Variants in ATP9B observed in about 807,000 individuals in gnomAD.
The protein encoded by ATP9B is ATPase phospholipid transporting 9B.
In ATP9B, 110 loss-of-function variants were observed where a neutral mutation model predicts 146.1. The ratio of observed to expected loss-of-function variants is 0.75; its 90% CI spans 0.65 to 0.88. The LOEUF is 0.88. Among genes scored for constraint, ATP9B ranks in the 40% least tolerant of loss-of-function variants. The pLI is 0.00. For synonymous variants in ATP9B, 604 were observed against 569.7 expected (o/e 1.06, Z -0.86); for missense variants, 1,499 against 1,496.4 (o/e 1.00, Z -0.03).
intron 15 of ATP9B, among the ~76,000 whole-genome samples, chr18:79,317,174 T>C (rs2096685432): frequency 2.0e-5 from 3 of 152,184 alleles, no homozygotes; most frequent in African/African-American, 7.2e-5. Context: ...AATCATATAC[T>C]GTAAGAACTT....
chr18:79,070,509 G>A (rs1321563242), intron 1 of ATP9B, among the ~76,000 whole-genome samples: 1 of 152,216 alleles, frequency 6.6e-6, no homozygotes, highest in Non-Finnish European at 1.5e-5. Flanking sequence ...TAGAACATGT[G>A]TAAGGTGCCC....
intron 15 of ATP9B, among the ~76,000 whole-genome samples, chr18:79,315,605 G>A (rs2096675108): frequency 1.3e-5 from 2 of 152,186 alleles, no homozygotes; most frequent in African/African-American, 4.8e-5. Context: ...TATGATAAAG[G>A]AAATTTCTTC....
intron 4 of ATP9B, chr18:79,114,926 C>G (rs1334340207): frequency 6.5e-6 from 1 of 153,502 alleles, no homozygotes; most frequent in African/African-American, 2.4e-5. Context: ...TGATTGACTT[C>G]CTCTTTTCCT....
intron 7 of ATP9B, among the ~76,000 whole-genome samples, chr18:79,174,510 C>T (rs985763852): frequency 2.0e-5 from 3 of 152,172 alleles, no homozygotes; most frequent in Admixed American, 6.5e-5. Context: ...AGTCAGGATG[C>T]GAGGGCCCTT....
At chr18:79,180,879 A>G (rs1234928859) in intron 8 of ATP9B, among the ~76,000 whole-genome samples, 1 of 151,064 alleles carries the variant, frequency 6.6e-6, no homozygotes, top group Admixed American at 6.6e-5. Context: ...TGCAGTCTCC[A>G]CCTCCTGGGT....
At chr18:79,279,060 G>A (rs959710329) in intron 13 of ATP9B, among the ~76,000 whole-genome samples, 1 of 152,226 alleles carries the variant, frequency 6.6e-6, no homozygotes, top group Non-Finnish European at 1.5e-5. Flanking sequence ...CAGACCTGGA[G>A]CCGACAGGTG....
At chr18:79,099,094 C>G (rs1323822752) in intron 2 of ATP9B, among the ~76,000 whole-genome samples, 1 of 152,140 alleles carries the variant, frequency 6.6e-6, no homozygotes, top group South Asian at 2.1e-4. Context: ...CTTTTTCTAG[C>G]TTCATAAGAT....
chr18:79,289,543 C>T (rs1353999566), intron 13 of ATP9B, among the ~76,000 whole-genome samples: 1 of 152,174 alleles, frequency 6.6e-6, no homozygotes, highest in Non-Finnish European at 1.5e-5. Flanking sequence ...TTTTTAACTT[C>T]TTTGCCTTTG....
At chr18:79,376,640 T>G (rs533833622) in intron 29 of ATP9B, among the ~76,000 whole-genome samples, 1 of 151,472 alleles carries the variant, frequency 6.6e-6, no homozygotes. Flanking sequence ...TCCACCCACC[T>G]CAGCCTCGCA....
At position 79,329,257 on chromosome 18, in the gene ATP9B, G is replaced by T; in HGVS notation, c.1890G>T (p.Leu630=). Residue 630 remains leucine (L), a synonymous_variant, in exon 16 of 30, where the codon CTG becomes CTT. Coordinates refer to ENST00000426216, the MANE Select transcript of ATP9B (RefSeq NM_198531.5). ...GQVLSFCILQ[L]FPFTSESKRM... ...TCCTCAGCTTCTGCATTCTGCAGCT[G>T]TTTCCCTTCACCTCCGAGAGCAAGC... 1 of 1,612,682 alleles carries T rather than the reference G, an allele frequency of 6.2e-7. No individual in the cohort carries two copies. Among genetic ancestry groups the T allele is most frequent in the Non-Finnish European group, 8.5e-7 (1 of 1,179,610 alleles).
intron 15 of ATP9B, among the ~76,000 whole-genome samples, chr18:79,321,419 A>G (rs1054577789): frequency 1.0e-4 from 15 of 146,360 alleles, no homozygotes; most frequent in African/African-American, 2.8e-4. Context: ...GTCTCGCTCT[A>G]TTGCCCAGGC....
rs12456205 is a variant in ATP9B at position 79,074,227 on chromosome 18, G to A, written c.119+4698G>A. 2.8e-3 allele frequency among the ~76,000 whole-genome samples: 419 copies of A among 152,214 alleles called. 11 individuals carry two copies. The highest frequency in any genetic ancestry group is 0.024 in the Admixed American group (374 of 15,292). ...AAAGGTGGATTTTCCTAGGCCTGGCGTCTCTTACTAAAAGATGGAAGTGTC... is the reference window on the plus strand; with the variant it reads ...AAAGGTGGATTTTCCTAGGCCTGGCATCTCTTACTAAAAGATGGAAGTGTC... On this transcript the variant is annotated intron_variant, in intron 1 of 29. Coordinates refer to ENST00000426216, the MANE Select transcript of ATP9B (RefSeq NM_198531.5).
intron 12 of ATP9B, among the ~76,000 whole-genome samples, chr18:79,268,158 C>T (rs2096222506): frequency 6.6e-6 from 1 of 152,060 alleles, no homozygotes; most frequent in South Asian, 2.1e-4. Flanking sequence ...GTTAATGTAG[C>T]AATGCCAGCT....
intron 25 of ATP9B, 51 bp downstream of exon 25, chr18:79,348,247 T>G: frequency 9.1e-7 from 1 of 1,094,260 alleles, no homozygotes. Context: ...ACTTCTATTT[T>G]GAAAAAAAAA....
At chr18:79,223,858 A>G (rs934189677) in intron 11 of ATP9B, among the ~76,000 whole-genome samples, 3 of 152,234 alleles carry the variant, frequency 2.0e-5, no homozygotes, top group African/African-American at 7.2e-5. Flanking sequence ...CTGGGGCATA[A>G]TGCTCTATCA....
rs531192267 is a variant in ATP9B at position 79,187,365 on chromosome 18, C to G, written c.874-5818C>G. ...TTCCAGTGACTGCCCCACCTCCACA[C>G]TGTCCCACAGGGGAGGTTCGGAAGG... On this transcript the variant is annotated intron_variant, in intron 8 of 29. Transcript: ENST00000426216. 2.0e-5 allele frequency among the ~76,000 whole-genome samples: 3 copies of G among 152,320 alleles called. No homozygotes were observed. The East Asian group carries it at 5.8e-4, about 29-fold the overall frequency.
intron 6 of ATP9B, among the ~76,000 whole-genome samples, chr18:79,148,161 A>G (rs926374854): frequency 2.6e-5 from 4 of 152,098 alleles, no homozygotes; most frequent in Non-Finnish European, 4.4e-5. Flanking sequence ...AAAGAAGCTG[A>G]ATTAGTAATT....
chr18:79,255,989 T>C (rs1247238761), intron 12 of ATP9B, among the ~76,000 whole-genome samples: 1 of 152,120 alleles, frequency 6.6e-6, no homozygotes, highest in Non-Finnish European at 1.5e-5. Flanking sequence ...CCTCATAGCA[T>C]GTTGTTTTCG....
chr18:79,121,992 CTT>C lies in ATP9B; in HGVS notation c.559-4273_559-4272del, dbSNP rs374952446. Among the ~76,000 whole-genome samples the C allele has an allele frequency of 4.0e-3, 612 of 152,134 alleles. 9 individuals carry two copies. The highest frequency in any genetic ancestry group is 0.014 in the African/African-American group (590 of 41,504). On this transcript the variant is annotated intron_variant, in intron 4 of 29. Coordinates refer to ENST00000426216, the MANE Select transcript of ATP9B (RefSeq NM_198531.5). Reference sequence around the variant, plus strand: ...AATGAATTTGGTTAACTTTTGCTGTCTTTAAGCCATAAGTTTAAAGGGGTGAA... The same window carrying C: ...AATGAATTTGGTTAACTTTTGCTGTCTAAGCCATAAGTTTAAAGGGGTGAA...
Sources: allele counts gnomAD v4.1 joint callset (sites outside exome capture counted in the v4.1 genomes callset), GRCh38; gene constraint gnomAD v4.1.1; transcripts MANE v1.5; gene names NCBI Gene and HGNC (gene_info 2026-07-23, HGNC 2026-07-21).